The following DNAH17 variants were observed in gnomAD, a reference collection of about 807,000 sequenced individuals.
The protein encoded by DNAH17 is dynein axonemal heavy chain 17.
Under a neutral mutation model 485.6 loss-of-function variants are expected in DNAH17, and 376 were observed. That is an observed-to-expected ratio of 0.77 (90% CI 0.71 to 0.84). DNAH17 has a LOEUF of 0.84. Ranked by LOEUF, DNAH17 falls within the 40% of genes least tolerant of loss-of-function variation. DNAH17 has a pLI of 0.00. For synonymous variants in DNAH17, 3,031 were observed against 2,405.9 expected, an observed-to-expected ratio of 1.26 and a Z score of -7.60; for missense variants, 6,370 against 5,839.3, an observed-to-expected ratio of 1.09 and a Z score of -2.96.
intron 54 of DNAH17, among the ~76,000 whole-genome samples, chr17:78,469,882 G>C (rs2088663858): frequency 6.6e-6 from 1 of 152,092 alleles, no homozygotes; most frequent in Admixed American, 6.5e-5. Context: ...CAAAGTCAGG[G>C]ACAGAAAGAA....
chr17:78,527,618 C>T (rs2091114403), intron 22 of DNAH17, among the ~76,000 whole-genome samples: 1 of 152,054 alleles, frequency 6.6e-6, no homozygotes, highest in Admixed American at 6.6e-5. Context: ...AGAGGAATTC[C>T]CTTTCTATCC....
In DNAH17 at chr17:78,563,924, CGCTT is replaced by C. The variant is rs532867808; in HGVS notation, c.1570-1948_1570-1945del. On this transcript the variant is annotated intron_variant, in intron 11 of 80. Transcript: ENST00000389840. ...TTTCTCCCCCTGCCTCCCTCCCCTC[CGCTT>C]TTCTTTGTTTTAAATTGAGCATAAA... 1.9e-4 allele frequency among the ~76,000 whole-genome samples: 29 copies of C among 151,824 alleles called. No individual in the cohort carries two copies. In the East Asian group the frequency reaches 5.8e-3, roughly 30 times the overall value.
intron 67 of DNAH17, 60 bp from the exon 68 acceptor site, chr17:78,450,454 G>A (rs2087498377): frequency 7.5e-6 from 12 of 1,593,958 alleles, no homozygotes; most frequent in Non-Finnish European, 1.0e-5. Flanking sequence ...ATGAGCAGGT[G>A]GGCTCATTCC....
chr17:78,565,987 AAAAC>A (rs544488152), intron 11 of DNAH17, among the ~76,000 whole-genome samples: 40 of 152,144 alleles, frequency 2.6e-4, no homozygotes, highest in African/African-American at 6.3e-4. Flanking sequence ...AACAAAACAA[AAAAC>A]AAACAAACCC....
chr17:78,429,005 A>G (rs2086581947), intron 76 of DNAH17, 116 bp downstream of exon 76: 2 of 1,116,768 alleles, frequency 1.8e-6, no homozygotes, highest in Non-Finnish European at 2.6e-6. Context: ...ATCCTCTCTT[A>G]TTTTGGCTGC....
In DNAH17 at chr17:78,566,780, C is replaced by G. The variant is rs368936180; in HGVS notation, c.1453-50G>C. On this transcript the variant is annotated intron_variant, in intron 10 of 80. Coordinates refer to ENST00000389840, the MANE Select transcript of DNAH17 (RefSeq NM_173628.4). ...CTTGTAATCAGCGTGCAAAGCAAGC[C>G]AAGGGCACCCTCTCCAGCCCCTGCC... The G allele has an allele frequency of 2.1e-6, 3 of 1,462,734 alleles. No individual in the cohort carries two copies. The African/African-American group carries it at 4.2e-5, about 20-fold the overall frequency. 90.6% of individuals were successfully genotyped at this position (1,462,734 alleles called of 1,614,324 possible).
chr17:78,479,804 G>A (rs922373470), intron 49 of DNAH17, among the ~76,000 whole-genome samples, 172 bp from the exon 50 acceptor site: 1 of 152,146 alleles, frequency 6.6e-6, no homozygotes, highest in African/African-American at 2.4e-5. Context: ...ACTGCATTAA[G>A]TATCATTACA....
intron 56 of DNAH17, among the ~76,000 whole-genome samples, chr17:78,464,851 A>G (rs537224354): frequency 1.3e-5 from 2 of 152,322 alleles, no homozygotes; most frequent in Non-Finnish European, 2.9e-5. Flanking sequence ...AAAAAACCCA[A>G]CAGCCCACCT....
intron 22 of DNAH17, among the ~76,000 whole-genome samples, chr17:78,528,295 C>G (rs896220114): frequency 1.3e-5 from 2 of 152,192 alleles, no homozygotes; most frequent in Admixed American, 6.5e-5. Flanking sequence ...GGTCTTGGCT[C>G]TGTCACCCAG....
At chr17:78,501,059 T>G in intron 35 of DNAH17, 125 bp downstream of exon 35, 1 of 1,145,820 alleles carries the variant, frequency 8.7e-7, no homozygotes, top group East Asian at 2.5e-5. Flanking sequence ...TGAACACAGG[T>G]CCACCTGACG....
Position 78,445,660 on chromosome 17 carries a change from C to T in DNAH17, c.11232G>A (p.Glu3744=). ...GGAAATCCAGCTCCACTGGGTTCAG[C>T]TCCTTCTTCATGGACAGGACCTGGG... is the stretch of plus-strand genomic sequence containing the variant. The part of the protein sequence containing the change: ...VTFQVLSMKK[E]LNPVELDFLL... Residue 3744 remains glutamate, a synonymous_variant, in exon 70 of 81, where the codon GAG becomes GAA. Coordinates refer to ENST00000389840, the MANE Select transcript of DNAH17 (RefSeq NM_173628.4). 1 of 1,582,654 alleles carries T rather than the reference C, an allele frequency of 6.3e-7. No individual in the cohort carries two copies. Among genetic ancestry groups the T allele is most frequent in the Non-Finnish European group, 8.6e-7 (1 of 1,164,508 alleles).
Position 78,574,915 on chromosome 17 carries a change from T to C in DNAH17, c.143A>G (p.Asp48Gly). The C allele has an allele frequency of 6.2e-7, 1 of 1,613,994 alleles. No homozygotes were observed. Among genetic ancestry groups the C allele is most frequent in the Non-Finnish European group, 8.5e-7 (1 of 1,179,890 alleles). Residue 48 changes from aspartate (D) to glycine (G), a missense_variant, in exon 2 of 81, where the codon GAC becomes GGC. Coordinates refer to ENST00000389840, the MANE Select transcript of DNAH17 (RefSeq NM_173628.4). ...ALFTEFFEKP[D>G]VQVLVLTLNA... ...GAGCGTCAGCACCAGCACCTGGACG[T>C]CGGGCTTTTCAAAGAACTCTGTGAA...
At chr17:78,472,847 A>G in intron 54 of DNAH17, 1 of 414,892 alleles carries the variant, frequency 2.4e-6, no homozygotes, top group Non-Finnish European at 5.0e-6. Context: ...GTCACCCTTC[A>G]GCAGTTTCTG....
chr17:78,532,265 C>A (rs1401060082), intron 20 of DNAH17, among the ~76,000 whole-genome samples: 1 of 152,232 alleles, frequency 6.6e-6, no homozygotes, highest in Non-Finnish European at 1.5e-5. Context: ...GACCCTGATG[C>A]TACCCCGTGC....
At position 78,486,291 on chromosome 17, in the gene DNAH17, T is replaced by C. The variant is rs1217967825; in HGVS notation, c.7034A>G (p.Glu2345Gly). ...EKTVPPDSPR[E>G]LYELYFVFTC... Reference sequence around the variant, plus strand: ...GAACACGAAGTACAGCTCGTACAGCTCCCTGGGGGAGTCGGGGGGCACGGT... The same window carrying C: ...GAACACGAAGTACAGCTCGTACAGCCCCCTGGGGGAGTCGGGGGGCACGGT... Residue 2345 changes from glutamate to glycine, a missense_variant, in exon 45 of 81, where the codon GAG becomes GGG. Glu to Gly is a moderately conservative substitution (Grantham distance 98). Coordinates refer to ENST00000389840, the MANE Select transcript of DNAH17 (RefSeq NM_173628.4). The C allele has an allele frequency of 6.2e-7, 1 of 1,611,390 alleles. No homozygotes were observed.
chr17:78,462,506 T>C (rs1424147149), intron 57 of DNAH17, among the ~76,000 whole-genome samples: 2 of 152,080 alleles, frequency 1.3e-5, no homozygotes, highest in African/African-American at 4.8e-5. Context: ...GGCCCCATGG[T>C]ATGAATGGTA....
chr17:78,476,298 G>C (rs1022296206), intron 52 of DNAH17, among the ~76,000 whole-genome samples: 45 of 145,028 alleles, frequency 3.1e-4, no homozygotes, highest in African/African-American at 1.1e-3. Context: ...CCACAGCCAA[G>C]TGCCGGAATT....
chr17:78,446,155 C>G (rs2087284007), intron 69 of DNAH17, among the ~76,000 whole-genome samples: 3 of 103,428 alleles, frequency 2.9e-5, no homozygotes, highest in Non-Finnish European at 5.2e-5. Context: ...GCCTGGGCAA[C>G]AGAGTGAGAC....
intron 42 of DNAH17, 141 bp from the exon 43 acceptor site, chr17:78,491,711 G>A (rs2089866181): frequency 1.5e-6 from 2 of 1,344,204 alleles, no homozygotes; most frequent in Admixed American, 2.7e-5. Context: ...CGGGCATGAG[G>A]TGCCCAGGCT....
Sources: allele counts gnomAD v4.1 joint callset (sites outside exome capture counted in the v4.1 genomes callset), GRCh38; gene constraint gnomAD v4.1.1; transcripts MANE v1.5; gene names NCBI Gene and HGNC (gene_info 2026-07-23, HGNC 2026-07-21).